ARID4B: variants seen among roughly 807,000 people sequenced by gnomAD.
ARID4B encodes the protein AT-rich interaction domain 4B.
A neutral mutation model predicts 147.5 loss-of-function variants in ARID4B; 26 were observed. That is an observed-to-expected ratio of 0.18 (90% CI 0.13 to 0.24). The LOEUF (loss-of-function observed/expected upper bound fraction) is 0.24. ARID4B is among the 10% of genes least tolerant of loss of function. The probability of loss-of-function intolerance (pLI) is 1.00; values close to 1 mark genes in which losing one functional copy is unlikely to be tolerated. For missense variants in ARID4B, 1,179 were observed against 1,511.5 expected (o/e 0.78, Z 3.65); for synonymous variants, 512 against 507.9 (o/e 1.01, Z -0.11).
At chr1:235,316,396 C>A (rs1358323203) in intron 2 of ARID4B, among the ~76,000 whole-genome samples, 1 of 151,958 alleles carries the variant, frequency 6.6e-6, no homozygotes, top group East Asian at 1.9e-4. Flanking sequence ...GTAATCCCAA[C>A]TACTCTGGAA....
chr1:235,310,702 C>A (rs1673986596), intron 2 of ARID4B, among the ~76,000 whole-genome samples: 1 of 152,136 alleles, frequency 6.6e-6, no homozygotes, highest in Admixed American at 6.5e-5. Context: ...GGGTCTTGCT[C>A]TGTCACCTAG....
At chr1:235,297,356 T>C (rs112816798) in intron 2 of ARID4B, among the ~76,000 whole-genome samples, 1 of 152,168 alleles carries the variant, frequency 6.6e-6, no homozygotes, top group Non-Finnish European at 1.5e-5. Context: ...CTCATTATTA[T>C]AAAAACTGGC....
At chr1:235,268,355 A>G (rs58560405) in intron 2 of ARID4B, among the ~76,000 whole-genome samples, 24 of 134,882 alleles carry the variant, frequency 1.8e-4, no homozygotes, top group Middle Eastern at 3.6e-3. Context: ...ATATATATAT[A>G]TGTGTATATA....
intron 2 of ARID4B, among the ~76,000 whole-genome samples, chr1:235,283,507 T>C (rs1305223133): frequency 6.6e-6 from 1 of 152,236 alleles, no homozygotes; most frequent in Non-Finnish European, 1.5e-5. Context: ...ATCTTTTTCC[T>C]ACCTGATTTT....
At chr1:235,248,339 C>G (rs537324172) in intron 6 of ARID4B, among the ~76,000 whole-genome samples, 1 of 152,296 alleles carries the variant, frequency 6.6e-6, no homozygotes, top group Admixed American at 6.5e-5. Context: ...CATGAGCCAC[C>G]ACACCCACCC....
intron 17 of ARID4B, among the ~76,000 whole-genome samples, chr1:235,209,732 T>G (rs1401247435): frequency 1.3e-4 from 19 of 151,718 alleles, no homozygotes; most frequent in Admixed American, 1.2e-3. Context: ...TCTGGCTAAT[T>G]TTTGTATTTT....
chr1:235,236,862 A>ATATT (rs1426582533), intron 8 of ARID4B, among the ~76,000 whole-genome samples: 3 of 17,492 alleles, frequency 1.7e-4, no homozygotes, highest in Admixed American at 1.2e-3. Flanking sequence ...ATATATATAT[A>ATATT]TTTTTTTTTT....
chr1:235,297,319 C>T (rs976280622), intron 2 of ARID4B, among the ~76,000 whole-genome samples: 2 of 152,000 alleles, frequency 1.3e-5, no homozygotes, highest in African/African-American at 2.4e-5. Context: ...ATTTACTGGT[C>T]GTTTTAGTGG....
intron 2 of ARID4B, among the ~76,000 whole-genome samples, chr1:235,320,597 C>T (rs1289946180): frequency 6.6e-6 from 1 of 152,204 alleles, no homozygotes; most frequent in African/African-American, 2.4e-5. Context: ...CTTCACTCAA[C>T]ACCCTTCAAA....
chr1:235,323,184 T>C (rs141180599), intron 2 of ARID4B, among the ~76,000 whole-genome samples: 3,345 of 152,014 alleles, frequency 0.022, 55 homozygotes, highest in Middle Eastern at 0.062. Context: ...AATACAGGCA[T>C]GCGCCACCAT....
intron 23 of ARID4B, among the ~76,000 whole-genome samples, chr1:235,169,989 T>C (rs984804929): frequency 2.0e-5 from 3 of 152,134 alleles, no homozygotes; most frequent in African/African-American, 7.2e-5. Context: ...TGTTCATAAA[T>C]TAATATTTTT....
chr1:235,176,413 T>C (rs1242570113), intron 21 of ARID4B, among the ~76,000 whole-genome samples: 1 of 123,216 alleles, frequency 8.1e-6, no homozygotes, highest in Admixed American at 1.0e-4. Context: ...ATATATTTAC[T>C]GATTTTTCAC....
At chr1:235,305,313 C>T (rs753151183) in intron 2 of ARID4B, among the ~76,000 whole-genome samples, 10 of 152,142 alleles carry the variant, frequency 6.6e-5, no homozygotes, top group Non-Finnish European at 1.3e-4. Flanking sequence ...CCCAGTGAGA[C>T]CCACGTCAGA....
Position 235,211,449 on chromosome 1 carries a change from A to C in ARID4B, c.1841+2320T>G, listed in dbSNP as rs576491198. On this transcript the variant is annotated intron_variant, in intron 17 of 23. Transcript: ENST00000264183. ...TTCATAGAATTTCAAATACTTCATA[A>C]AGGCCAAGAGGAAAAACTGCCTCTA... Among the ~76,000 whole-genome samples, 20 of 152,318 alleles carry C rather than the reference A, an allele frequency of 1.3e-4. 1 individual carries two copies. In the South Asian group the frequency reaches 4.1e-3, roughly 32 times the overall value.
At position 235,268,610 on chromosome 1, in the gene ARID4B, C is replaced by T. The variant is rs145696849; in HGVS notation, c.7-7858G>A. ...ATGGTGTGATATCGGCTCACTGTAA[C>T]CTCTGCCTCCCAGGTTCAAGCAATT... On this transcript the variant is annotated intron_variant, in intron 2 of 23. Transcript: ENST00000264183. Among the ~76,000 whole-genome samples, 581 of 152,128 alleles carry T rather than the reference C, an allele frequency of 3.8e-3. 5 individuals carry two copies. The highest frequency in any genetic ancestry group is 0.013 in the African/African-American group (545 of 41,496).
intron 14 of ARID4B, among the ~76,000 whole-genome samples, chr1:235,220,924 G>A (rs1667427151): frequency 6.6e-6 from 1 of 151,268 alleles, no homozygotes; most frequent in Non-Finnish European, 1.5e-5. Context: ...TTTTGAGACA[G>A]CCTTACTCTG....
chr1:235,227,648 A>G (rs888504572), intron 11 of ARID4B, among the ~76,000 whole-genome samples: 1 of 152,152 alleles, frequency 6.6e-6, no homozygotes, highest in East Asian at 1.9e-4. Flanking sequence ...GCAAACCATT[A>G]AAGAGTACCT....
intron 12 of ARID4B, among the ~76,000 whole-genome samples, chr1:235,224,241 T>C (rs1255407241): frequency 6.6e-6 from 1 of 152,142 alleles, no homozygotes; most frequent in Non-Finnish European, 1.5e-5. Flanking sequence ...GAAGATAAGC[T>C]AGAGAATAAC....
At position 235,291,778 on chromosome 1, in the gene ARID4B, T is replaced by G. The variant is rs928132422; in HGVS notation, c.7-31026A>C. On this transcript the variant is annotated intron_variant, in intron 2 of 23. Transcript: ENST00000264183. Reference sequence around the variant, plus strand: ...AAAAACACCCACAAATGAGGGGATCTCTATGTAATAATAACACAAACATCT... The same window carrying G: ...AAAAACACCCACAAATGAGGGGATCGCTATGTAATAATAACACAAACATCT... Among the ~76,000 whole-genome samples the G allele has an allele frequency of 1.1e-4, 17 of 152,266 alleles. 1 individual carries two copies. The highest frequency in any genetic ancestry group is 2.2e-4 in the Non-Finnish European group (15 of 68,014).
Sources: allele counts gnomAD v4.1 joint callset (sites outside exome capture counted in the v4.1 genomes callset), GRCh38; gene constraint gnomAD v4.1.1; transcripts MANE v1.5; gene names NCBI Gene and HGNC (gene_info 2026-07-23, HGNC 2026-07-21).